ADAM12: variants seen among roughly 807,000 people sequenced by gnomAD.
ADAM12 encodes the protein ADAM metallopeptidase domain 12, also known as disintegrin and metalloproteinase domain-containing protein 12.
ADAM12 carries 70 observed loss-of-function variants against 106.4 expected under a neutral mutation model. The observed-to-expected ratio is 0.66, with a 90% CI of 0.54 to 0.80. The LOEUF (loss-of-function observed/expected upper bound fraction) is 0.80. ADAM12 is among the 30% of genes least tolerant of loss of function. The pLI, the probability that ADAM12 is intolerant of heterozygous loss-of-function variation, is 0.00. For missense variants in ADAM12, 1,010 were observed against 1,171.9 expected, an observed-to-expected ratio of 0.86 and a Z score of 2.02; for synonymous variants, 420 against 433.5, an observed-to-expected ratio of 0.97 and a Z score of 0.39.
At chr10:126,310,117 C>A (rs1961017441) in intron 2 of ADAM12, among the ~76,000 whole-genome samples, 1 of 151,026 alleles carries the variant, frequency 6.6e-6, no homozygotes, top group Non-Finnish European at 1.5e-5. Context: ...CAAGACTGAG[C>A]CACTGCACTC....
intron 4 of ADAM12, among the ~76,000 whole-genome samples, chr10:126,142,922 T>C (rs1181845505): frequency 6.6e-6 from 1 of 152,080 alleles, no homozygotes; most frequent in Non-Finnish European, 1.5e-5. Context: ...TGGGTATGTA[T>C]ATGGGGTGCA....
In ADAM12 at chr10:126,043,763, G is replaced by A. The variant is rs943005708; in HGVS notation, c.1996-615C>T. 8.5e-5 allele frequency among the ~76,000 whole-genome samples: 13 copies of A among 152,198 alleles called. No homozygotes were observed. The highest frequency in any genetic ancestry group is 1.9e-4 in the African/African-American group (8 of 41,444). On this transcript the variant is annotated intron_variant, in intron 17 of 22. Coordinates refer to ENST00000448723, the MANE Select transcript of ADAM12 (RefSeq NM_001288973.2). This position sits in a 1 kb window ranked among gnomAD's most constrained non-coding sequence, Gnocchi z 4.1. ...TGTCCCCGTGTGTCCTTCCTGCAAC[G>A]CCTGCCTCCTTCTTGCAGAGGTTCC...
At chr10:126,280,946 C>T (rs4418722) in intron 2 of ADAM12, among the ~76,000 whole-genome samples, 59,206 of 151,902 alleles carry the variant, frequency 0.39, 11,737 homozygotes, top group South Asian at 0.47. Context: ...TCTATTGGAT[C>T]CTACATGCCA....
intron 2 of ADAM12, among the ~76,000 whole-genome samples, chr10:126,298,477 AG>A (rs1226880959): frequency 6.6e-6 from 1 of 152,196 alleles, no homozygotes; most frequent in African/African-American, 2.4e-5. Flanking sequence ...GAAAATATGC[AG>A]GACAAAAGCA....
intron 1 of ADAM12, among the ~76,000 whole-genome samples, chr10:126,353,926 T>C (rs1177628583): frequency 1.3e-5 from 2 of 152,152 alleles, no homozygotes; most frequent in African/African-American, 4.8e-5. Flanking sequence ...CATGTCTTAA[T>C]CCTGGCCAGG....
In ADAM12 at chr10:126,093,840, C is replaced by A. The variant is rs1871054; in HGVS notation, c.1145+145G>T. The A allele has an allele frequency of 1.9e-5, 24 of 1,296,640 alleles. No individual in the cohort carries two copies. In the Admixed American group the frequency reaches 4.3e-4, roughly 23 times the overall value. 80.3% of individuals were successfully genotyped at this position (1,296,640 alleles called of 1,614,324 possible). ...GGCTCTCCAGAGTAGCACAGGCCAC[C>A]CTTGCTTCTTGGGAAGGAATTACTT... On this transcript the variant is annotated intron_variant, in intron 11 of 22. Coordinates refer to ENST00000448723, the MANE Select transcript of ADAM12 (RefSeq NM_001288973.2).
At chr10:126,135,998 T>C (rs1172703146) in intron 4 of ADAM12, among the ~76,000 whole-genome samples, 1 of 152,180 alleles carries the variant, frequency 6.6e-6, no homozygotes. Flanking sequence ...CTCATGTAAA[T>C]TGTCTTTTGT....
At chr10:126,032,966 T>G (rs969739427) in intron 21 of ADAM12, among the ~76,000 whole-genome samples, 4 of 152,204 alleles carry the variant, frequency 2.6e-5, no homozygotes, top group Non-Finnish European at 5.9e-5. Context: ...AAACCAGAAT[T>G]ATTCTTATGC....
chr10:126,180,647 G>A (rs960447569), intron 3 of ADAM12, among the ~76,000 whole-genome samples: 2 of 152,140 alleles, frequency 1.3e-5, no homozygotes, highest in South Asian at 2.1e-4. Context: ...CAGCAGAAGT[G>A]CCCTATTTTC....
intron 3 of ADAM12, among the ~76,000 whole-genome samples, chr10:126,268,775 G>A (rs767504912): frequency 2.6e-5 from 4 of 152,066 alleles, no homozygotes; most frequent in Non-Finnish European, 2.9e-5. Flanking sequence ...CTAGGATTTT[G>A]GCCTCCTGGG....
rs147387585 is a variant in ADAM12, at chr10:126,078,993, T to C, written c.1146-7339A>G. 3.6e-3 allele frequency among the ~76,000 whole-genome samples: 551 copies of C among 152,288 alleles called. 2 individuals carry two copies. Among genetic ancestry groups the C allele is most frequent in the African/African-American group, 0.013 (536 of 41,558 alleles). On this transcript the variant is annotated intron_variant, in intron 11 of 22. Transcript: ENST00000448723. Reference sequence around the variant, plus strand: ...AGACAAATCCTGCTGTGATCCCACATATGCCTGGACCAGTGGTTCTCAAAG... The same window carrying C: ...AGACAAATCCTGCTGTGATCCCACACATGCCTGGACCAGTGGTTCTCAAAG...
intron 4 of ADAM12, among the ~76,000 whole-genome samples, chr10:126,139,044 G>A (rs990736596): frequency 6.6e-6 from 1 of 152,060 alleles, no homozygotes; most frequent in Non-Finnish European, 1.5e-5. Flanking sequence ...TTTTCTCAAA[G>A]GTTTCTAGGT....
rs186057837 is a variant in ADAM12 at position 126,365,031 on chromosome 10, C to T, written c.88+23027G>A. Reference sequence around the variant, plus strand: ...ATCCTGGATGTGTCTACAGCACACTCATTCTGGTCTGCCCTTTGCCATATG... The same window carrying T: ...ATCCTGGATGTGTCTACAGCACACTTATTCTGGTCTGCCCTTTGCCATATG... On this transcript the variant is annotated intron_variant, in intron 1 of 22. Transcript: ENST00000448723. 2.2e-4 allele frequency among the ~76,000 whole-genome samples: 33 copies of T among 152,280 alleles called. No individual in the cohort carries two copies. In the East Asian group the frequency reaches 6.0e-3, roughly 28 times the overall value.
At chr10:126,091,252 G>A (rs934502760) in intron 11 of ADAM12, among the ~76,000 whole-genome samples, 15 of 152,180 alleles carry the variant, frequency 9.9e-5, no homozygotes, top group African/African-American at 3.4e-4. Context: ...TGATCTCATT[G>A]AGTCCATTCT....
Position 126,013,053 on chromosome 10 carries a change from A to G in ADAM12, c.*4226T>C, listed in dbSNP as rs1953597011. On this transcript the variant is annotated 3_prime_UTR_variant, in exon 23 of 23. Transcript: ENST00000448723. This position sits in a 1 kb window ranked among gnomAD's most constrained non-coding sequence, Gnocchi z 4.3. ...ACCTGGAAGAGCTGAATAGCTTTACATTGAGAATTACTTTGTATGTTAAAT... is the reference window on the plus strand; with the variant it reads ...ACCTGGAAGAGCTGAATAGCTTTACGTTGAGAATTACTTTGTATGTTAAAT... The G allele has an allele frequency of 6.6e-6, 1 of 152,208 alleles. No individual in the cohort carries two copies. The highest frequency in any genetic ancestry group is 1.5e-5 in the Non-Finnish European group (1 of 68,042). 9.4% of individuals were successfully genotyped at this position (152,208 alleles called of 1,614,324 possible). A position where few individuals can be genotyped will look rare whatever the true frequency, so the allele number is the denominator to read the frequency against.
chr10:126,351,559 G>A (rs557413520), intron 1 of ADAM12, among the ~76,000 whole-genome samples: 1 of 152,228 alleles, frequency 6.6e-6, no homozygotes, highest in African/African-American at 2.4e-5. Context: ...AGAGACTGCC[G>A]CTTCCTCTCC....
At chr10:126,273,713 T>C (rs1000528637) in intron 3 of ADAM12, among the ~76,000 whole-genome samples, 3 of 152,202 alleles carry the variant, frequency 2.0e-5, no homozygotes, top group Non-Finnish European at 4.4e-5. Context: ...CTGATTTCCA[T>C]TAATTTAGAA....
chr10:126,244,784 G>A (rs1958596824), intron 3 of ADAM12, among the ~76,000 whole-genome samples: 1 of 152,164 alleles, frequency 6.6e-6, no homozygotes, highest in South Asian at 2.1e-4. Context: ...GAATGAAAGA[G>A]GAAGGAAAAT....
intron 13 of ADAM12, among the ~76,000 whole-genome samples, chr10:126,065,905 A>G (rs1286443317): frequency 6.6e-6 from 1 of 152,064 alleles, no homozygotes; most frequent in Non-Finnish European, 1.5e-5. Flanking sequence ...AGCCAGGGAG[A>G]GCCAGCTGCT....
Sources: allele counts gnomAD v4.1 joint callset (sites outside exome capture counted in the v4.1 genomes callset), GRCh38; gene constraint gnomAD v4.1.1; non-coding constraint Gnocchi (gnomAD v3.1); transcripts MANE v1.5; gene names NCBI Gene and HGNC (gene_info 2026-07-23, HGNC 2026-07-21).